SYNDIG1: variants seen among roughly 807,000 people sequenced by gnomAD.
SYNDIG1 encodes synapse differentiation inducing 1, also known as synapse differentiation-inducing gene protein 1.
Under a neutral mutation model 19.4 loss-of-function variants are expected in SYNDIG1, and 9 were observed. The ratio of observed to expected loss-of-function variants is 0.46; its 90% CI spans 0.28 to 0.81. The LOEUF (loss-of-function observed/expected upper bound fraction) is 0.81. SYNDIG1 is among the 30% of genes least tolerant of loss of function. The probability of loss-of-function intolerance (pLI) is 0.12; values close to 1 mark genes in which losing one functional copy is unlikely to be tolerated. For missense variants in SYNDIG1, 311 were observed against 343.3 expected, an observed-to-expected ratio of 0.91 and a Z score of 0.74; for synonymous variants, 141 against 145.9, an observed-to-expected ratio of 0.97 and a Z score of 0.24.
At chr20:24,498,014 G>A (rs1191266429) in intron 1 of SYNDIG1, among the ~76,000 whole-genome samples, 2 of 152,190 alleles carry the variant, frequency 1.3e-5, no homozygotes, top group African/African-American at 2.4e-5. Context: ...CAAAGGCCTG[G>A]GCAGGTTATT....
intron 3 of SYNDIG1, among the ~76,000 whole-genome samples, chr20:24,657,206 C>T (rs779231066): frequency 2.4e-4 from 36 of 152,348 alleles, no homozygotes; most frequent in Admixed American, 1.2e-3. Flanking sequence ...GGGCCAAACA[C>T]AGCCAGCAAA....
chr20:24,556,313 T>C (rs2057816353), intron 2 of SYNDIG1, among the ~76,000 whole-genome samples: 1 of 152,206 alleles, frequency 6.6e-6, no homozygotes, highest in African/African-American at 2.4e-5. Context: ...ACATTTAAAG[T>C]TGATATTGTT....
intron 1 of SYNDIG1, among the ~76,000 whole-genome samples, chr20:24,533,559 G>A (rs375641320): frequency 5.9e-4 from 89 of 151,888 alleles, no homozygotes; most frequent in African/African-American, 2.1e-3. Context: ...AGGGGATCCC[G>A]GGAAGCACCA....
intron 3 of SYNDIG1, among the ~76,000 whole-genome samples, chr20:24,593,417 T>G (rs2058544279): frequency 6.6e-6 from 1 of 152,242 alleles, no homozygotes; most frequent in African/African-American, 2.4e-5. Flanking sequence ...GGTGTACATG[T>G]ACCACATTTT....
chr20:24,530,675 C>T (rs2146623738), intron 1 of SYNDIG1, among the ~76,000 whole-genome samples: 1 of 152,276 alleles, frequency 6.6e-6, no homozygotes, highest in Admixed American at 6.5e-5. Context: ...TGGTGCCCTC[C>T]TAATGCCTTG....
chr20:24,598,502 A>G (rs927578672), intron 3 of SYNDIG1, among the ~76,000 whole-genome samples: 3 of 152,234 alleles, frequency 2.0e-5, no homozygotes, highest in African/African-American at 7.2e-5. Context: ...TGAGGAAGTC[A>G]GCACCCAGCA....
chr20:24,475,865 T>C (rs1456034615), intron 1 of SYNDIG1, among the ~76,000 whole-genome samples: 1 of 143,368 alleles, frequency 7.0e-6, no homozygotes, highest in South Asian at 2.1e-4. Flanking sequence ...CATAGTATCT[T>C]TTTTTTTTTT....
chr20:24,610,655 A>C (rs561287783), intron 3 of SYNDIG1, among the ~76,000 whole-genome samples: 2 of 152,364 alleles, frequency 1.3e-5, no homozygotes, highest in East Asian at 3.9e-4. Flanking sequence ...TTTATTATGC[A>C]TGAAAGTTGA....
chr20:24,614,689 C>A (rs1339560388), intron 3 of SYNDIG1, among the ~76,000 whole-genome samples: 1 of 152,054 alleles, frequency 6.6e-6, no homozygotes, highest in Non-Finnish European at 1.5e-5. Context: ...AGCTAACCCT[C>A]CACACAGATC....
intron 1 of SYNDIG1, among the ~76,000 whole-genome samples, chr20:24,478,430 G>A (rs1020272063): frequency 6.6e-5 from 10 of 152,224 alleles, no homozygotes; most frequent in Admixed American, 3.9e-4. Flanking sequence ...CTTCCCCAAC[G>A]TGCCGTCCAG....
At chr20:24,530,832 G>A (rs1489902400) in intron 1 of SYNDIG1, among the ~76,000 whole-genome samples, 1 of 149,634 alleles carries the variant, frequency 6.7e-6, no homozygotes, top group Non-Finnish European at 1.5e-5. Flanking sequence ...TTTCGGAGAC[G>A]GAGTCTTGTT....
At chr20:24,662,627 C>T (rs971520010) in intron 3 of SYNDIG1, among the ~76,000 whole-genome samples, 2 of 152,206 alleles carry the variant, frequency 1.3e-5, no homozygotes, top group African/African-American at 4.8e-5. Flanking sequence ...GAAATAGTGT[C>T]TTTGGGTCCT....
chr20:24,631,380 G>A (rs1038894492), intron 3 of SYNDIG1, among the ~76,000 whole-genome samples: 7 of 152,184 alleles, frequency 4.6e-5, no homozygotes, highest in African/African-American at 1.2e-4. Context: ...TCTCAGGACC[G>A]CGGAAGGGCC....
chr20:24,624,255 CAAAAAA>C (rs201904792), intron 3 of SYNDIG1, among the ~76,000 whole-genome samples: 2 of 94,702 alleles, frequency 2.1e-5, no homozygotes, highest in Non-Finnish European at 4.1e-5. Context: ...GACTCCATCT[CAAAAAA>C]AAAAAAAAAA....
intron 1 of SYNDIG1, among the ~76,000 whole-genome samples, chr20:24,542,424 C>T (rs760607916): frequency 1.4e-4 from 21 of 152,310 alleles, no homozygotes; most frequent in Admixed American, 4.6e-4. Context: ...TTCCAACAAG[C>T]TCCCAGCTGG....
chr20:24,645,985 A>T (rs1013817520), intron 3 of SYNDIG1, among the ~76,000 whole-genome samples: 2 of 152,156 alleles, frequency 1.3e-5, no homozygotes, highest in Non-Finnish European at 2.9e-5. Flanking sequence ...GAATGTGATC[A>T]TGTAACCTTG....
At position 24,517,300 on chromosome 20, in the gene SYNDIG1, T is replaced by TA. The variant is rs200960543; in HGVS notation, c.-78-25709dup. On this transcript the variant is annotated intron_variant, in intron 1 of 3. Coordinates refer to ENST00000376862, the MANE Select transcript of SYNDIG1 (RefSeq NM_024893.3). ...ATGTACCCTAGAACTTAAAGTATAA[T>TA]AAAAAAAAAAATAAATAAATAAATA... Among the ~76,000 whole-genome samples the TA allele has an allele frequency of 1.6e-3, 224 of 140,932 alleles. 1 individual carries two copies. Among genetic ancestry groups the TA allele is most frequent in the East Asian group, 6.2e-3 (30 of 4,858 alleles). 92.5% of individuals were successfully genotyped at this position (140,932 alleles called of 152,430 possible). A position where few individuals can be genotyped will look rare whatever the true frequency, so the allele number is the denominator to read the frequency against.
At chr20:24,491,416 A>G (rs2056144571) in intron 1 of SYNDIG1, 1 of 152,290 alleles carries the variant, frequency 6.6e-6, no homozygotes, top group Non-Finnish European at 1.5e-5. Context: ...GCAGAAGATG[A>G]AAGAGTGGCG....
chr20:24,615,677 A>C (rs544749949), intron 3 of SYNDIG1, among the ~76,000 whole-genome samples: 2 of 152,138 alleles, frequency 1.3e-5, no homozygotes, highest in South Asian at 2.1e-4. Context: ...GTTTATCCCC[A>C]CACTGCTGTC....
Sources: gnomAD v4.1 joint callset for allele counts (sites outside exome capture counted in the v4.1 genomes callset) on GRCh38, gnomAD v4.1.1 for gene constraint, MANE v1.5 for transcripts, NCBI Gene and HGNC (gene_info 2026-07-23, HGNC 2026-07-21) for gene names.